The following TUBB3 variants were observed in gnomAD, a reference collection of about 807,000 sequenced individuals.
TUBB3 encodes the protein tubulin beta-3 chain.
TUBB3 carries 17 observed loss-of-function variants against 37.8 expected under a neutral mutation model. The observed-to-expected ratio is 0.45, with a 90% CI of 0.31 to 0.67. The LOEUF (loss-of-function observed/expected upper bound fraction) is 0.67. TUBB3 is among the 30% of genes least tolerant of loss of function. The pLI, the probability that TUBB3 is intolerant of heterozygous loss-of-function variation, is 0.07. For missense variants in TUBB3, 262 were observed against 657.9 expected, an observed-to-expected ratio of 0.40 and a Z score of 6.58; for synonymous variants, 332 against 278.9, an observed-to-expected ratio of 1.19 and a Z score of -1.90.
In TUBB3 at chr16:89,933,448, G is replaced by A. The variant is rs764702998; in HGVS notation, c.167-20G>A. ...CTGGCCCTCTGTGACCCGAATCACC[G>A]AGCCCCTCTCTCCCCTCAGCTCACA... On this transcript the variant is annotated intron_variant, in intron 2 of 3. Coordinates refer to ENST00000315491, the MANE Select transcript of TUBB3 (RefSeq NM_006086.4). The A allele has an allele frequency of 4.0e-5, 64 of 1,597,050 alleles. No homozygotes were observed. Among genetic ancestry groups the A allele is most frequent in the Admixed American group, 2.3e-4 (14 of 59,960 alleles).
intron 1 of TUBB3, among the ~76,000 whole-genome samples, chr16:89,924,829 G>A (rs1270481162): frequency 6.6e-6 from 1 of 152,054 alleles, no homozygotes; most frequent in African/African-American, 2.4e-5. Context: ...CAGGACTCCC[G>A]GAGCAGCCTC....
intron 1 of TUBB3, among the ~76,000 whole-genome samples, chr16:89,929,741 G>T (rs962279689): frequency 6.6e-6 from 1 of 152,030 alleles, no homozygotes; most frequent in African/African-American, 2.4e-5. Context: ...TCCTTCTGTT[G>T]CCCAGGCTTG....
intron 1 of TUBB3, chr16:89,931,971 C>G (rs2030296792): frequency 3.4e-6 from 1 of 294,630 alleles, no homozygotes; most frequent in Non-Finnish European, 7.1e-6. Context: ...ACCCCAAGGA[C>G]CCTTCTGCAG....
intron 1 of TUBB3, 62 bp downstream of exon 1, chr16:89,923,520 C>G: frequency 7.5e-7 from 1 of 1,324,726 alleles, no homozygotes; most frequent in African/African-American, 1.5e-5. Flanking sequence ...GCGCCGTGCC[C>G]CGCGGGCCGC....
intron 1 of TUBB3, among the ~76,000 whole-genome samples, chr16:89,929,601 G>A (rs933422607): frequency 2.0e-5 from 3 of 152,238 alleles, no homozygotes; most frequent in Admixed American, 6.5e-5. Context: ...CAGGGCACCC[G>A]TGAGAAGAAG....
At chr16:89,926,203 AG>A (rs1567761288) in intron 1 of TUBB3, among the ~76,000 whole-genome samples, 1 of 151,908 alleles carries the variant, frequency 6.6e-6, no homozygotes, top group Non-Finnish European at 1.5e-5. Flanking sequence ...GCAGCGGCGG[AG>A]GGGGGAGCCT....
intron 1 of TUBB3, among the ~76,000 whole-genome samples, chr16:89,930,486 C>T (rs1387024922): frequency 6.6e-6 from 1 of 151,032 alleles, no homozygotes; most frequent in Admixed American, 6.6e-5. Flanking sequence ...TACAGTGGTG[C>T]AATCTTGGCT....
chr16:89,925,452 C>T (rs539386936), intron 1 of TUBB3, among the ~76,000 whole-genome samples: 2 of 151,116 alleles, frequency 1.3e-5, no homozygotes, highest in Non-Finnish European at 2.9e-5. Flanking sequence ...AAAAATTAGC[C>T]TGGCGTGGTG....
At chr16:89,929,142 T>C (rs537960011) in intron 1 of TUBB3, among the ~76,000 whole-genome samples, 1 of 152,074 alleles carries the variant, frequency 6.6e-6, no homozygotes, top group Non-Finnish European at 1.5e-5. Flanking sequence ...TTTGTATTTT[T>C]AGTAGGGACA....
Position 89,935,375 on chromosome 16 carries a change from C to A in TUBB3, c.924C>A (p.Gly308=), listed in dbSNP as rs987144246. The A allele has an allele frequency of 2.5e-6, 4 of 1,614,038 alleles. No individual in the cohort carries two copies. Among genetic ancestry groups the A allele is most frequent in the African/African-American group, 1.3e-5 (1 of 74,964 alleles). Residue 308 remains glycine (G), a synonymous_variant, in exon 4 of 4, where the codon GGC becomes GGA. Coordinates refer to ENST00000315491, the MANE Select transcript of TUBB3 (RefSeq NM_006086.4). ...NMMAACDPRH[G]RYLTVATVFR... Reference sequence around the variant, plus strand: ...TGGCCGCCTGCGACCCGCGCCACGGCCGCTACCTGACGGTGGCCACCGTGT... The same window carrying A: ...TGGCCGCCTGCGACCCGCGCCACGGACGCTACCTGACGGTGGCCACCGTGT...
chr16:89,933,658 G>C (rs2030349430), intron 3 of TUBB3, 80 bp downstream of exon 3: 1 of 1,082,388 alleles, frequency 9.2e-7, no homozygotes, highest in African/African-American at 1.5e-5. Context: ...ACGGCTGTGA[G>C]AAACAAGGAA....
Position 89,935,706 on chromosome 16 carries a change from G to T in TUBB3, c.1255G>T (p.Val419Leu). The change falls in exon 4 of 4, where the codon GTG becomes TTG. Residue 419 changes from valine (V) to leucine (L), a missense_variant. By Grantham distance (32) the Val-to-Leu change is conservative. Transcript: ENST00000315491. ...TEAESNMNDL[V>L]SEYQQYQDAT... Reference sequence around the variant, plus strand: ...GGCCGAGAGCAACATGAACGACCTGGTGTCCGAGTACCAGCAGTACCAGGA... The same window carrying T: ...GGCCGAGAGCAACATGAACGACCTGTTGTCCGAGTACCAGCAGTACCAGGA... 1 of 1,613,918 alleles carries T rather than the reference G, an allele frequency of 6.2e-7. No individual in the cohort carries two copies. Among genetic ancestry groups the T allele is most frequent in the Non-Finnish European group, 8.5e-7 (1 of 1,179,924 alleles).
rs140825096 is a variant in TUBB3 at position 89,935,531 on chromosome 16, C to T, written c.1080C>T (p.Gly360=). 1.4e-4 allele frequency: 221 copies of T among 1,614,074 alleles called. No homozygotes were observed. The highest frequency in any genetic ancestry group is 1.8e-4 in the Non-Finnish European group (210 of 1,180,058). The change falls in exon 4 of 4, where the codon GGC becomes GGT. Residue 360 remains glycine (G), a synonymous_variant. Coordinates refer to ENST00000315491, the MANE Select transcript of TUBB3 (RefSeq NM_006086.4). ...CCGTGTGTGACATCCCGCCCCGCGGCCTCAAGATGTCCTCCACCTTCATCG... is the reference window on the plus strand; with the variant it reads ...CCGTGTGTGACATCCCGCCCCGCGGTCTCAAGATGTCCTCCACCTTCATCG... ...KVAVCDIPPR[G]LKMSSTFIGN...
At chr16:89,925,483 C>A (rs984227714) in intron 1 of TUBB3, among the ~76,000 whole-genome samples, 1 of 151,394 alleles carries the variant, frequency 6.6e-6, no homozygotes, top group African/African-American at 2.4e-5. Context: ...GTAGTCCCAG[C>A]TACCTGGGAG....
At position 89,936,011 on chromosome 16, in the gene TUBB3, G is replaced by C. The variant is rs2030445823; in HGVS notation, c.*207G>C. ...TGTCTCTGTCTTATTGCAGCTCCAG[G>C]CCTGACGTTTTACGGTTTTGTTTTT... On this transcript the variant is annotated 3_prime_UTR_variant, in exon 4 of 4. Coordinates refer to ENST00000315491, the MANE Select transcript of TUBB3 (RefSeq NM_006086.4). 1 of 646,196 alleles carries C rather than the reference G, an allele frequency of 1.5e-6. No homozygotes were observed. Among genetic ancestry groups the C allele is most frequent in the South Asian group, 2.0e-5 (1 of 50,120 alleles). 40.0% of individuals were successfully genotyped at this position (646,196 alleles called of 1,614,324 possible).
intron 1 of TUBB3, among the ~76,000 whole-genome samples, chr16:89,931,401 T>G (rs2030273316): frequency 6.6e-6 from 1 of 152,218 alleles, no homozygotes; most frequent in African/African-American, 2.4e-5. Flanking sequence ...GCAAGGGGCA[T>G]TGGGAGAGGT....
In TUBB3 at chr16:89,923,396, C is replaced by T. The variant is rs758238534; in HGVS notation, c.-6C>T. 1 of 1,488,380 alleles carries T rather than the reference C, an allele frequency of 6.7e-7. No homozygotes were observed. Among genetic ancestry groups the T allele is most frequent in the Non-Finnish European group, 9.0e-7 (1 of 1,117,190 alleles). The allele number at this position is 1,488,380 out of a possible 1,614,324, so 92.2% of individuals were successfully genotyped here. On this transcript the variant is annotated 5_prime_UTR_variant, in exon 1 of 4. Transcript: ENST00000315491. ...CGTCCGCAGCCGCCCGCCAGACGCG[C>T]CCAGTATGAGGGAGATCGTGCACAT...
chr16:89,932,706 C>T (rs760369224), intron 2 of TUBB3, 27 bp downstream of exon 2: 2 of 1,585,614 alleles, frequency 1.3e-6, no homozygotes, highest in Non-Finnish European at 1.7e-6. Context: ...GCCTCCCTAT[C>T]CCAGCCCTGG....
Position 89,935,766 on chromosome 16 carries a change from G to A in TUBB3, c.1315G>A (p.Asp439Asn). The change falls in exon 4 of 4, where the codon GAC (aspartate) becomes AAC (asparagine). Residue 439 changes from aspartate (D) to asparagine (N), a missense_variant. Asp to Asn is a conservative substitution (Grantham distance 23). Around this residue, in one of 3 missense-constraint regions of TUBB3, gnomAD observed 39 missense variants for 26.9 expected, o/e 1.45. Coordinates refer to ENST00000315491, the MANE Select transcript of TUBB3 (RefSeq NM_006086.4). ...TAEEEGEMYE[D>N]DEEESEAQGP... ...CGAGGAAGAGGGCGAGATGTACGAA[G>A]ACGACGAGGAGGAGTCGGAGGCCCA... 1 of 1,613,882 alleles carries A rather than the reference G, an allele frequency of 6.2e-7. No individual in the cohort carries two copies. Among genetic ancestry groups the A allele is most frequent in the South Asian group, 1.1e-5 (1 of 91,084 alleles).
Sources: allele counts gnomAD v4.1 joint callset (sites outside exome capture counted in the v4.1 genomes callset), GRCh38; gene constraint gnomAD v4.1.1; regional missense constraint gnomAD v4.1.1; transcripts MANE v1.5; gene names NCBI Gene and HGNC (gene_info 2026-07-23, HGNC 2026-07-21).